IFT140: variants seen among roughly 807,000 people sequenced by gnomAD.
IFT140 encodes intraflagellar transport 140, also known as intraflagellar transport protein 140 homolog.
IFT140 carries 133 observed loss-of-function variants against 164.6 expected under a neutral mutation model. That is an observed-to-expected ratio of 0.81 (90% CI 0.70 to 0.93). The LOEUF is 0.93. IFT140 is among the 40% of genes least tolerant of loss of function. The pLI is 0.00. For missense variants in IFT140, 2,045 were observed against 1,972.3 expected, an observed-to-expected ratio of 1.04 and a Z score of -0.70; for synonymous variants, 860 against 817.3, an observed-to-expected ratio of 1.05 and a Z score of -0.89.
Position 1,588,039 on chromosome 16 carries a change from A to G in IFT140, c.811-15T>C. On this transcript the variant is annotated splice_polypyrimidine_tract_variant and intron_variant, in intron 7 of 30. Coordinates refer to ENST00000426508, the MANE Select transcript of IFT140 (RefSeq NM_014714.4). Reference sequence around the variant, plus strand: ...CTCAGCTTGACCTGTGTGAGGAAACAACCGAGCAGAGGCACCGTGCTTGCT... The same window carrying G: ...CTCAGCTTGACCTGTGTGAGGAAACGACCGAGCAGAGGCACCGTGCTTGCT... The G allele has an allele frequency of 6.2e-7, 1 of 1,611,778 alleles. No individual in the cohort carries two copies.
intron 3 of IFT140, 145 bp from the exon 4 acceptor site, chr16:1,602,736 T>G (rs778085700): frequency 1.2e-4 from 86 of 720,736 alleles, no homozygotes; most frequent in Non-Finnish European, 1.9e-4. Context: ...AGTCAGGAGT[T>G]CGAGACCAGC....
At position 1,529,346 on chromosome 16, in the gene IFT140, C is replaced by A. The variant is rs549315729; in HGVS notation, c.2400-2550G>T. 2.6e-5 allele frequency among the ~76,000 whole-genome samples: 4 copies of A among 152,338 alleles called. No individual in the cohort carries two copies. The East Asian group carries it at 5.8e-4, about 22-fold the overall frequency. ...CTGGGGGGCCGGGAAGTGAGCCTGCCTCCCTGCCACTGCCATTGCATGCGT... is the reference window on the plus strand; with the variant it reads ...CTGGGGGGCCGGGAAGTGAGCCTGCATCCCTGCCACTGCCATTGCATGCGT... On this transcript the variant is annotated intron_variant, in intron 19 of 30. Coordinates refer to ENST00000426508, the MANE Select transcript of IFT140 (RefSeq NM_014714.4).
intron 13 of IFT140, chr16:1,576,807 G>A (rs1462336548): frequency 1.3e-5 from 2 of 152,168 alleles, no homozygotes; most frequent in African/African-American, 2.4e-5. Context: ...GCAGCTGAGC[G>A]AAGTGTAAAC....
At chr16:1,573,788 T>C (rs2034139188) in intron 13 of IFT140, among the ~76,000 whole-genome samples, 1 of 152,008 alleles carries the variant, frequency 6.6e-6, no homozygotes, top group Non-Finnish European at 1.5e-5. Flanking sequence ...ACTTCACTCT[T>C]CTCCACCCTT....
chr16:1,607,035 T>A, intron 3 of IFT140, 85 bp downstream of exon 3: 1 of 1,183,700 alleles, frequency 8.4e-7, no homozygotes, highest in Non-Finnish European at 1.2e-6. Context: ...CACACACACA[T>A]GTGCACACAC....
chr16:1,597,600 G>A (rs561099290), intron 4 of IFT140, among the ~76,000 whole-genome samples: 2 of 152,310 alleles, frequency 1.3e-5, no homozygotes, highest in Non-Finnish European at 2.9e-5. Context: ...GTAGAGTTCC[G>A]AGTGTTGTTC....
chr16:1,585,993 G>C (rs541279727), intron 10 of IFT140, 137 bp downstream of exon 10: 2 of 974,026 alleles, frequency 2.1e-6, no homozygotes, highest in Admixed American at 1.8e-5. Flanking sequence ...GGATGGTCTC[G>C]ATCTCCTGAC....
In IFT140 at chr16:1,541,045, G is replaced by C. The variant is rs565814371; in HGVS notation, c.2400-14249C>G. 6.1e-6 allele frequency: 6 copies of C among 985,380 alleles called. No individual in the cohort carries two copies. In the African/African-American group the frequency reaches 7.0e-5, roughly 11 times the overall value. The allele number at this position is 985,380 out of a possible 1,614,324, so 61.0% of individuals were successfully genotyped here. A position where few individuals can be genotyped will look rare whatever the true frequency, so the allele number is the denominator to read the frequency against. Reference sequence around the variant, plus strand: ...CATTTCTCTGCTACAGAAACGTGACGAGCCCTGGTCCCTGAGGGCAACAAA... The same window carrying C: ...CATTTCTCTGCTACAGAAACGTGACCAGCCCTGGTCCCTGAGGGCAACAAA... On this transcript the variant is annotated intron_variant, in intron 19 of 30. Coordinates refer to ENST00000426508, the MANE Select transcript of IFT140 (RefSeq NM_014714.4).
In IFT140 at chr16:1,557,983, G is replaced by A; in HGVS notation, c.2351C>T (p.Thr784Ile). The A allele has an allele frequency of 6.2e-7, 1 of 1,613,934 alleles. No homozygotes were observed. Among genetic ancestry groups the A allele is most frequent in the Non-Finnish European group, 8.5e-7 (1 of 1,180,040 alleles). The change falls in exon 19 of 31, where the codon ACC becomes ATC. Residue 784 changes from threonine (T) to isoleucine (I), a missense_variant. Physicochemically the swap from Thr to Ile is moderately conservative, Grantham distance 89. Transcript: ENST00000426508. ...DAMLHFSFFV[T>I]IGDMDEAFKS... ...GAAGGCTTCGTCCATGTCTCCTATG[G>A]TGACAAAGAAGCTGAAGTGGAGCAT...
chr16:1,565,251 AG>A (rs1811157033), intron 16 of IFT140, among the ~76,000 whole-genome samples: 1 of 152,144 alleles, frequency 6.6e-6, no homozygotes, highest in South Asian at 2.1e-4. Flanking sequence ...GCCCAAGAAC[AG>A]TGGCAGCAGG....
intron 5 of IFT140, 28 bp from the exon 6 acceptor site, chr16:1,592,346 ATTC>A (rs2035223202): frequency 6.2e-7 from 1 of 1,613,820 alleles, no homozygotes; most frequent in Non-Finnish European, 8.5e-7. Flanking sequence ...ACGAAGCAAG[ATTC>A]TTCTGCCACT....
intron 19 of IFT140, 99 bp from the exon 20 acceptor site, chr16:1,526,895 C>T: frequency 7.5e-7 from 1 of 1,337,776 alleles, no homozygotes; most frequent in Non-Finnish European, 1.0e-6. Context: ...TCAGGCACAG[C>T]TGCCAAACGG....
intron 30 of IFT140, among the ~76,000 whole-genome samples, chr16:1,514,983 T>C (rs2040297699): frequency 6.6e-6 from 1 of 152,108 alleles, no homozygotes; most frequent in South Asian, 2.1e-4. Context: ...AAAAGATTGC[T>C]GGAGAGGTTA....
intron 3 of IFT140, 64 bp from the exon 4 acceptor site, chr16:1,602,655 G>A: frequency 6.7e-7 from 1 of 1,491,406 alleles, no homozygotes; most frequent in Non-Finnish European, 9.2e-7. Flanking sequence ...AAGAACTTCT[G>A]TCTAGGCCGG....
chr16:1,541,951 T>C (rs1438843392), intron 19 of IFT140: 1 of 1,608,654 alleles, frequency 6.2e-7, no homozygotes, highest in African/African-American at 1.3e-5. Flanking sequence ...GCCTGCAACC[T>C]GGTGGCCACG....
intron 13 of IFT140, among the ~76,000 whole-genome samples, chr16:1,573,340 C>T (rs1205349959): frequency 2.0e-5 from 3 of 152,092 alleles, no homozygotes; most frequent in Non-Finnish European, 4.4e-5. Context: ...CCTGCCCTGC[C>T]CCTTACCTGC....
intron 12 of IFT140, among the ~76,000 whole-genome samples, chr16:1,583,099 A>G (rs9927202): frequency 0.11 from 16,510 of 152,136 alleles, 1,292 homozygotes; most frequent in African/African-American, 0.22. Flanking sequence ...CCACAAAAGC[A>G]CGGTGGTTGT....
chr16:1,583,182 G>A lies in IFT140; in HGVS notation c.1432+132C>T, dbSNP rs2034669854. On this transcript the variant is annotated intron_variant, in intron 12 of 30. Transcript: ENST00000426508. ...CAGCTGCAGCCCTGGCTCTGGAAGC[G>A]CAGGCAGTAGCACAAGGGTCTCCCC... 19 of 789,714 alleles carry A rather than the reference G, an allele frequency of 2.4e-5. 1 individual carries two copies. The highest frequency in any genetic ancestry group is 3.1e-4 in the Middle Eastern group (1 of 3,242). The allele number at this position is 789,714 out of a possible 1,614,324, so 48.9% of individuals were successfully genotyped here.
chr16:1,591,815 G>A (rs2035197487), intron 6 of IFT140, among the ~76,000 whole-genome samples: 1 of 152,140 alleles, frequency 6.6e-6, no homozygotes, highest in African/African-American at 2.4e-5. Flanking sequence ...GCATACAATA[G>A]GTGCTTGATA....
Sources: allele counts gnomAD v4.1 joint callset (sites outside exome capture counted in the v4.1 genomes callset), GRCh38; gene constraint gnomAD v4.1.1; transcripts MANE v1.5; gene names NCBI Gene and HGNC (gene_info 2026-07-23, HGNC 2026-07-21).